DPP10: variants seen among roughly 807,000 people sequenced by gnomAD.
The protein encoded by DPP10 is dipeptidyl peptidase like 10.
DPP10 carries 33 observed loss-of-function variants against 120.9 expected under a neutral mutation model. The observed-to-expected ratio is 0.27, with a 90% CI of 0.21 to 0.37. The LOEUF is 0.37. Among genes scored for constraint, DPP10 ranks in the 10% least tolerant of loss-of-function variants. The probability of loss-of-function intolerance (pLI) is 1.00; values close to 1 mark genes in which losing one functional copy is unlikely to be tolerated. For synonymous variants in DPP10, 337 were observed against 326.1 expected (o/e 1.03, Z -0.36); for missense variants, 816 against 942.8 (o/e 0.87, Z 1.76).
chr2:115,794,339 C>T (rs17700133), intron 19 of DPP10, among the ~76,000 whole-genome samples: 12,490 of 152,160 alleles, frequency 0.082, 562 homozygotes, highest in South Asian at 0.14. Context: ...GAAAGACTGC[C>T]CTGGAAGAAA....
intron 19 of DPP10, among the ~76,000 whole-genome samples, chr2:115,807,828 G>A (rs189791761): frequency 6.9e-6 from 1 of 145,500 alleles, no homozygotes; most frequent in South Asian, 2.1e-4. Context: ...TATATGTTTG[G>A]GTTTTTTTTA....
At chr2:115,135,104 T>C (rs2050584005) in intron 1 of DPP10, among the ~76,000 whole-genome samples, 1 of 152,006 alleles carries the variant, frequency 6.6e-6, no homozygotes, top group Admixed American at 6.6e-5. Context: ...AGGCAGGTAC[T>C]AAACTGATCC....
intron 2 of DPP10, among the ~76,000 whole-genome samples, chr2:115,325,781 G>A (rs996531361): frequency 6.6e-5 from 10 of 152,090 alleles, no homozygotes; most frequent in Admixed American, 5.9e-4. Flanking sequence ...TGTATTTAAT[G>A]TCTAACTCAG....
chr2:114,779,494 C>T (rs573877894), intron 1 of DPP10, among the ~76,000 whole-genome samples: 35 of 152,222 alleles, frequency 2.3e-4, no homozygotes, highest in African/African-American at 7.5e-4. Context: ...GACCTATTCC[C>T]GTCATATCTT....
intron 1 of DPP10, among the ~76,000 whole-genome samples, chr2:114,771,450 C>T (rs1681240838): frequency 6.6e-6 from 1 of 152,210 alleles, no homozygotes; most frequent in Admixed American, 6.5e-5. Flanking sequence ...CAACGAGCAT[C>T]ACCTGTTACC....
intron 3 of DPP10, among the ~76,000 whole-genome samples, chr2:115,442,386 TGC>T (rs1553412352): frequency 8.6e-6 from 1 of 116,856 alleles, no homozygotes; most frequent in South Asian, 2.6e-4. Context: ...TGTGTGTGTG[TGC>T]GTGTGTCGTT....
At chr2:114,697,832 G>A (rs954448970) in intron 1 of DPP10, among the ~76,000 whole-genome samples, 10 of 150,394 alleles carry the variant, frequency 6.6e-5, no homozygotes, top group African/African-American at 2.4e-4. Flanking sequence ...CTATCTCTTT[G>A]CTCTCTATTA....
intron 1 of DPP10, among the ~76,000 whole-genome samples, chr2:114,741,131 C>T (rs139151829): frequency 3.2e-4 from 48 of 152,252 alleles, no homozygotes; most frequent in African/African-American, 1.1e-3. Context: ...AATCATTGAG[C>T]TTATAGAAGA....
chr2:115,829,305 T>C (rs1045274850), intron 21 of DPP10, among the ~76,000 whole-genome samples: 2 of 152,204 alleles, frequency 1.3e-5, no homozygotes, highest in African/African-American at 2.4e-5. Flanking sequence ...ATCAACATCA[T>C]TAACAGTGAT....
Position 114,804,540 on chromosome 2 carries a change from C to T in DPP10, c.60+361702C>T, listed in dbSNP as rs188535843. Among the ~76,000 whole-genome samples the T allele has an allele frequency of 2.0e-3, 305 of 152,326 alleles. 1 individual carries two copies. The highest frequency in any genetic ancestry group is 7.0e-3 in the African/African-American group (293 of 41,584). ...AGCTTTCCAAGACCATGGGAACCCA[C>T]CTCTTGCATCAGCGTGACCTGGATG... On this transcript the variant is annotated intron_variant, in intron 1 of 25. Transcript: ENST00000410059.
intron 5 of DPP10, among the ~76,000 whole-genome samples, chr2:115,629,640 C>T (rs1301961466): frequency 1.3e-5 from 2 of 151,712 alleles, no homozygotes; most frequent in Admixed American, 6.6e-5. Context: ...TCATATCCAG[C>T]ACCATTTATT....
intron 1 of DPP10, among the ~76,000 whole-genome samples, chr2:114,637,902 T>C (rs115220962): frequency 0.024 from 3,642 of 151,912 alleles, 222 homozygotes; most frequent in African/African-American, 0.081. Context: ...GTAGTATAGT[T>C]TGAAGTTGGG....
chr2:115,390,905 T>C (rs182662182), intron 3 of DPP10, among the ~76,000 whole-genome samples: 1 of 152,268 alleles, frequency 6.6e-6, no homozygotes, highest in African/African-American at 2.4e-5. Context: ...ATCCTCACCG[T>C]CATCTTGTAC....
chr2:115,458,303 A>T (rs141905644), intron 3 of DPP10, among the ~76,000 whole-genome samples: 601 of 152,290 alleles, frequency 3.9e-3, no homozygotes, highest in African/African-American at 0.013. Context: ...TATTTTAATT[A>T]TGATGGGAAC....
intron 5 of DPP10, among the ~76,000 whole-genome samples, chr2:115,596,941 A>G (rs184224544): frequency 7.2e-5 from 11 of 152,320 alleles, no homozygotes; most frequent in Middle Eastern, 3.4e-3. Flanking sequence ...TGGCTATTTT[A>G]CTTAACTCGT....
intron 5 of DPP10, among the ~76,000 whole-genome samples, chr2:115,571,523 GT>G (rs1261421958): frequency 6.6e-6 from 1 of 152,120 alleles, no homozygotes; most frequent in Non-Finnish European, 1.5e-5. Flanking sequence ...TAGGGTAATT[GT>G]TGCCAACATC....
intron 19 of DPP10, among the ~76,000 whole-genome samples, chr2:115,803,561 G>A (rs890937475): frequency 6.6e-6 from 1 of 152,156 alleles, no homozygotes; most frequent in African/African-American, 2.4e-5. Flanking sequence ...TTTTTGCAGT[G>A]GCTGGTACCG....
intron 1 of DPP10, among the ~76,000 whole-genome samples, chr2:115,037,483 C>G (rs149436123): frequency 2.6e-5 from 4 of 152,200 alleles, no homozygotes; most frequent in African/African-American, 9.6e-5. Context: ...CCAGGGCCTC[C>G]GGCAGGCAAA....
At chr2:114,862,485 G>A (rs924459572) in intron 1 of DPP10, among the ~76,000 whole-genome samples, 3 of 151,948 alleles carry the variant, frequency 2.0e-5, no homozygotes, top group Admixed American at 1.3e-4. Flanking sequence ...CAACATTTTT[G>A]GCAGATGGAC....
Sources: gnomAD v4.1 joint callset for allele counts (sites outside exome capture counted in the v4.1 genomes callset) on GRCh38, gnomAD v4.1.1 for gene constraint, MANE v1.5 for transcripts, NCBI Gene and HGNC (gene_info 2026-07-23, HGNC 2026-07-21) for gene names.